The following SH3PXD2A variants were observed in gnomAD, a reference collection of about 807,000 sequenced individuals.
SH3PXD2A encodes the protein SH3 and PX domains 2A.
In SH3PXD2A, 32 loss-of-function variants were observed where a neutral mutation model predicts 115.2. The observed-to-expected ratio is 0.28, with a 90% CI of 0.21 to 0.37. The LOEUF (loss-of-function observed/expected upper bound fraction) is 0.37. Ranked by LOEUF, SH3PXD2A falls within the 10% of genes least tolerant of loss-of-function variation. SH3PXD2A has a pLI of 1.00. For missense variants in SH3PXD2A, 1,328 were observed against 1,498.7 expected, an observed-to-expected ratio of 0.89 and a Z score of 1.88; for synonymous variants, 610 against 629.1, an observed-to-expected ratio of 0.97 and a Z score of 0.45.
intron 5 of SH3PXD2A, among the ~76,000 whole-genome samples, chr10:103,695,898 G>C (rs533297333): frequency 4.6e-5 from 7 of 152,376 alleles, no homozygotes; most frequent in Admixed American, 3.9e-4. Flanking sequence ...CCTGCAGGGG[G>C]TGTGGGCTCT....
chr10:103,606,697 G>C (rs2036314039), intron 13 of SH3PXD2A, among the ~76,000 whole-genome samples: 1 of 152,124 alleles, frequency 6.6e-6, no homozygotes, highest in Non-Finnish European at 1.5e-5. Context: ...GGGTTTCGCT[G>C]TGTTGGCCGG....
intron 2 of SH3PXD2A, among the ~76,000 whole-genome samples, chr10:103,786,249 G>C (rs1369029364): frequency 6.6e-6 from 1 of 152,220 alleles, no homozygotes; most frequent in Non-Finnish European, 1.5e-5. Context: ...CAGCAGAGAG[G>C]AACGGCTTAG....
intron 8 of SH3PXD2A, among the ~76,000 whole-genome samples, chr10:103,660,507 G>A (rs1005899010): frequency 3.9e-5 from 6 of 152,094 alleles, no homozygotes; most frequent in Admixed American, 1.3e-4. Context: ...ACCAACGCCC[G>A]CAGGCCTGGC....
intron 3 of SH3PXD2A, among the ~76,000 whole-genome samples, chr10:103,758,724 T>G (rs7923100): frequency 0.57 from 86,092 of 152,146 alleles, 24,889 homozygotes; most frequent in African/African-American, 0.69. Flanking sequence ...AGTAATTACA[T>G]CAAGAGAAGA....
intron 6 of SH3PXD2A, chr10:103,678,254 G>A (rs2037565737): frequency 1.3e-6 from 1 of 774,348 alleles, no homozygotes; most frequent in Non-Finnish European, 1.9e-6. Context: ...CCTCTGCGTG[G>A]GTCCAGACCA....
chr10:103,605,936 C>G lies in SH3PXD2A; in HGVS notation c.1309-19G>C. 6.2e-7 allele frequency: 1 copy of G among 1,613,118 alleles called. No individual in the cohort carries two copies. Among genetic ancestry groups the G allele is most frequent in the Non-Finnish European group, 8.5e-7 (1 of 1,179,268 alleles). ...GGAACCCCTAAGGTTAAGGAACACACAGTGGGCAAAACCCGCCTAAATCAG... is the reference window on the plus strand; with the variant it reads ...GGAACCCCTAAGGTTAAGGAACACAGAGTGGGCAAAACCCGCCTAAATCAG... On this transcript the variant is annotated intron_variant, in intron 13 of 14. Transcript: ENST00000369774.
intron 1 of SH3PXD2A, among the ~76,000 whole-genome samples, chr10:103,834,136 C>T (rs981163276): frequency 2.0e-5 from 3 of 152,186 alleles, no homozygotes; most frequent in Non-Finnish European, 4.4e-5. Flanking sequence ...AAAATCCACA[C>T]ACTCTGCAAG....
chr10:103,630,556 C>T (rs1368603172), intron 8 of SH3PXD2A, among the ~76,000 whole-genome samples: 2 of 151,960 alleles, frequency 1.3e-5, no homozygotes, highest in Non-Finnish European at 2.9e-5. Flanking sequence ...CCACAAAACT[C>T]AGGAATTGCA....
chr10:103,661,677 G>A (rs1029654247), intron 7 of SH3PXD2A: 3 of 985,400 alleles, frequency 3.0e-6, no homozygotes, highest in Non-Finnish European at 3.6e-6. Context: ...GCGGGAGAGG[G>A]AGAGGAGAGA....
intron 3 of SH3PXD2A, among the ~76,000 whole-genome samples, chr10:103,765,133 T>C (rs2038740340): frequency 6.6e-6 from 1 of 152,280 alleles, no homozygotes; most frequent in Non-Finnish European, 1.5e-5. Context: ...GAGAAGCTAA[T>C]GCAACTTCTC....
At chr10:103,798,286 C>T (rs898796620) in intron 2 of SH3PXD2A, among the ~76,000 whole-genome samples, 6 of 152,154 alleles carry the variant, frequency 3.9e-5, no homozygotes, top group East Asian at 1.9e-4. Flanking sequence ...GTATGCTTCA[C>T]GACCTAAACT....
chr10:103,690,424 T>C (rs2037736033), intron 6 of SH3PXD2A, among the ~76,000 whole-genome samples: 1 of 152,156 alleles, frequency 6.6e-6, no homozygotes, highest in Non-Finnish European at 1.5e-5. Flanking sequence ...TATGTGATTG[T>C]GGAGGTTTGA....
chr10:103,791,122 C>T (rs1456412874), intron 2 of SH3PXD2A, among the ~76,000 whole-genome samples: 1 of 152,184 alleles, frequency 6.6e-6, no homozygotes, highest in Non-Finnish European at 1.5e-5. Flanking sequence ...GGACTGACAC[C>T]CAGAGGACAT....
chr10:103,805,916 T>A (rs1270709734), intron 1 of SH3PXD2A, among the ~76,000 whole-genome samples: 1 of 152,212 alleles, frequency 6.6e-6, no homozygotes, highest in African/African-American at 2.4e-5. Flanking sequence ...ACCCTTGGCC[T>A]AAAACCATAC....
intron 2 of SH3PXD2A, among the ~76,000 whole-genome samples, chr10:103,771,465 C>T (rs141761108): frequency 6.6e-6 from 1 of 152,190 alleles, no homozygotes; most frequent in East Asian, 1.9e-4. Flanking sequence ...AAACTGTAGC[C>T]TCATGGCCAG....
At chr10:103,836,379 A>C (rs1467472637) in intron 1 of SH3PXD2A, among the ~76,000 whole-genome samples, 2 of 151,570 alleles carry the variant, frequency 1.3e-5, no homozygotes, top group Non-Finnish European at 2.9e-5. Flanking sequence ...ATGTCCATAC[A>C]CACACAATAC....
At chr10:103,718,008 C>T (rs1459200696) in intron 5 of SH3PXD2A, among the ~76,000 whole-genome samples, 8 of 143,540 alleles carry the variant, frequency 5.6e-5, no homozygotes, top group Middle Eastern at 3.5e-3. Flanking sequence ...TTCCATGTGT[C>T]TTTTTTTTTT....
Position 103,617,243 on chromosome 10 carries a change from T to C in SH3PXD2A, c.874A>G (p.Thr292Ala). The C allele has an allele frequency of 6.2e-7, 1 of 1,614,194 alleles. No individual in the cohort carries two copies. Among genetic ancestry groups the C allele is most frequent in the Non-Finnish European group, 8.5e-7 (1 of 1,179,982 alleles). ...AGATTCTTCCGGATCACCTCCACTG[T>C]GACGCCCTTCTCAAAGCCAATCTCG... is the stretch of plus-strand genomic sequence containing the variant. ...KDEIGFEKGV[T>A]VEVIRKNLEG... The change falls in exon 11 of 15, where the codon ACA (threonine) becomes GCA (alanine). Residue 292 changes from threonine (T) to alanine (A), a missense_variant. By Grantham distance (58) the Thr-to-Ala change is moderately conservative. Transcript: ENST00000369774.
intron 1 of SH3PXD2A, 57 bp downstream of exon 1, chr10:103,855,138 G>A: frequency 7.5e-7 from 1 of 1,337,416 alleles, no homozygotes; most frequent in Non-Finnish European, 1.0e-6. Context: ...GGGGCCATCC[G>A]GGGCCCTCCC....
Sources: gnomAD v4.1 joint callset for allele counts (sites outside exome capture counted in the v4.1 genomes callset) on GRCh38, gnomAD v4.1.1 for gene constraint, MANE v1.5 for transcripts, NCBI Gene and HGNC (gene_info 2026-07-23, HGNC 2026-07-21) for gene names.